The following ACOT12 variants were observed in gnomAD, a reference collection of about 807,000 sequenced individuals.
ACOT12 encodes the protein acyl-CoA thioesterase 12.
ACOT12 carries 51 observed loss-of-function variants against 67.7 expected under a neutral mutation model. That is an observed-to-expected ratio of 0.75 (90% CI 0.60 to 0.95). The LOEUF (loss-of-function observed/expected upper bound fraction) is 0.95, where lower values mean the gene tolerates loss of function less well. ACOT12 is among the 40% of genes least tolerant of loss of function. ACOT12 has a pLI of 0.00. For missense variants in ACOT12, 734 were observed against 708.1 expected, an observed-to-expected ratio of 1.04 and a Z score of -0.41; for synonymous variants, 251 against 244.6, an observed-to-expected ratio of 1.03 and a Z score of -0.24.
At chr5:81,353,261 G>C (rs1759607570) in intron 5 of ACOT12, among the ~76,000 whole-genome samples, 2 of 152,200 alleles carry the variant, frequency 1.3e-5, no homozygotes, top group Non-Finnish European at 2.9e-5. Context: ...TGGTGCAGAA[G>C]TTTGCTTATT....
At chr5:81,327,239 C>CAT (rs10618114), downstream of ACOT12, among the ~76,000 whole-genome samples, 2,169 of 149,732 alleles carry the variant, frequency 0.014, 43 homozygotes, top group African/African-American at 0.05. Context: ...TACATACACA[C>CAT]ATATATATAT....
At chr5:81,324,023 C>T in the ACOT12 span, among the ~76,000 whole-genome samples, 4 of 151,730 alleles carry the variant, frequency 2.6e-5, no homozygotes, top group Admixed American at 2.0e-4. Flanking sequence ...CTCACTGCAA[C>T]CTCTGTCTCC....
At chr5:81,310,477 GAAA>G in the ACOT12 span, among the ~76,000 whole-genome samples, 2 of 145,852 alleles carry the variant, frequency 1.4e-5, no homozygotes, top group African/African-American at 5.0e-5. Context: ...AGATTTGGGG[GAAA>G]AAAAAAAGAA....
At chr5:81,342,921 C>T (rs960715764) in intron 10 of ACOT12, among the ~76,000 whole-genome samples, 166 bp from the exon 11 acceptor site, 2 of 152,076 alleles carry the variant, frequency 1.3e-5, no homozygotes, top group Non-Finnish European at 2.9e-5. Flanking sequence ...GTGGCTCATG[C>T]CTGTAGTCCC....
intron 2 of ACOT12, among the ~76,000 whole-genome samples, chr5:81,381,214 G>A (rs751156803): frequency 2.6e-5 from 4 of 151,966 alleles, no homozygotes; most frequent in East Asian, 1.9e-4. Flanking sequence ...TTACAGGCGC[G>A]TGCCACCACA....
At chr5:81,390,526 TCTCAAA>T (rs200024460) in intron 1 of ACOT12, among the ~76,000 whole-genome samples, 3,351 of 151,262 alleles carry the variant, frequency 0.022, 99 homozygotes, top group Non-Finnish European at 0.036. Context: ...GGAGTCTCAT[TCTCAAA>T]TGAGACTCCA....
chr5:81,330,444 T>A lies in ACOT12; in HGVS notation c.1618A>T (p.Ile540Leu). The A allele has an allele frequency of 6.2e-7, 1 of 1,614,132 alleles. No individual in the cohort carries two copies. Among genetic ancestry groups the A allele is most frequent in the Non-Finnish European group, 8.5e-7 (1 of 1,179,986 alleles). The change falls in exon 15 of 15, where the codon ATA (isoleucine) becomes TTA (leucine). Residue 540 changes from isoleucine (I) to leucine (L), a missense_variant. Transcript: ENST00000307624. ...KSIEETAASC[I>L]QFLENPPDDG... ...TCAGGAGGATTCTCTAAGAACTGTA[T>A]ACAAGAGGCTGCTGTTTCTTCAATG... is the stretch of plus-strand genomic sequence containing the variant.
chr5:81,344,200 A>G lies in ACOT12; in HGVS notation c.940T>C (p.Tyr314His), dbSNP rs533220517. The change falls in exon 9 of 15, where the codon TAT becomes CAT. Residue 314 changes from tyrosine to histidine, a missense_variant. Transcript: ENST00000307624. ...QPISKDDFRR[Y>H]RGAIARKRIR... Reference sequence around the variant, plus strand: ...CGCTTGCGTGCAATAGCTCCCCGATAGCGTCTGAAATCATCCTTTAATCAA... The same window carrying G: ...CGCTTGCGTGCAATAGCTCCCCGATGGCGTCTGAAATCATCCTTTAATCAA... 6.2e-7 allele frequency: 1 copy of G among 1,613,446 alleles called. No individual in the cohort carries two copies. Among genetic ancestry groups the G allele is most frequent in the Non-Finnish European group, 8.5e-7 (1 of 1,179,684 alleles).
chr5:81,341,954 G>T lies in ACOT12; in HGVS notation c.1128+718C>A, dbSNP rs540785461. Reference sequence around the variant, plus strand: ...AATTTGAGGTAGCTGTGGAAGAAATGTCACAAGATAGTGTATAATTAATTG... The same window carrying T: ...AATTTGAGGTAGCTGTGGAAGAAATTTCACAAGATAGTGTATAATTAATTG... On this transcript the variant is annotated intron_variant, in intron 11 of 14. Coordinates refer to ENST00000307624, the MANE Select transcript of ACOT12 (RefSeq NM_130767.3). Among the ~76,000 whole-genome samples the T allele has an allele frequency of 9.1e-4, 139 of 152,288 alleles. 1 individual carries two copies. The highest frequency in any genetic ancestry group is 1.3e-3 in the Non-Finnish European group (90 of 68,024).
At chr5:81,338,775 C>A (rs1466726608) in intron 11 of ACOT12, among the ~76,000 whole-genome samples, 1 of 152,058 alleles carries the variant, frequency 6.6e-6, no homozygotes, top group Non-Finnish European at 1.5e-5. Flanking sequence ...TAATAAGATT[C>A]TTTTTGAATT....
At chr5:81,310,604 C>CA in the ACOT12 span, among the ~76,000 whole-genome samples, 1 of 152,094 alleles carries the variant, frequency 6.6e-6, no homozygotes, top group African/African-American at 2.4e-5. Context: ...TTAAGTGAAA[C>CA]ACTTATTTTA....
intron 6 of ACOT12, among the ~76,000 whole-genome samples, chr5:81,347,043 T>C (rs1580544814): frequency 6.6e-6 from 1 of 152,204 alleles, no homozygotes; most frequent in South Asian, 2.1e-4. Flanking sequence ...TTTTCAATTA[T>C]TTCTTTGGCC....
At chr5:81,371,418 A>AT (rs11343063) in intron 3 of ACOT12, among the ~76,000 whole-genome samples, 1,798 of 148,374 alleles carry the variant, frequency 0.012, 42 homozygotes, top group African/African-American at 0.035. Context: ...GTGCTGGCTA[A>AT]TTTTTTTTTT....
intron 2 of ACOT12, among the ~76,000 whole-genome samples, chr5:81,379,622 T>G (rs115550707): frequency 0.015 from 2,240 of 152,278 alleles, 41 homozygotes; most frequent in Non-Finnish European, 0.02. Flanking sequence ...GGTGACATAG[T>G]GACTGGCAGG....
the ACOT12 span, chr5:81,311,125 A>C: frequency 7.4e-7 from 1 of 1,344,974 alleles, no homozygotes; most frequent in South Asian, 1.2e-5. Flanking sequence ...GGTTGTGAGG[A>C]TCCAGTAAGA....
At chr5:81,344,834 A>G in intron 8 of ACOT12, 57 bp downstream of exon 8, 1 of 1,594,086 alleles carries the variant, frequency 6.3e-7, no homozygotes, top group Non-Finnish European at 8.6e-7. Context: ...AGGAGATTCT[A>G]GGTAGAGCTC....
chr5:81,308,814 AT>A, the ACOT12 span: 1 of 1,459,614 alleles, frequency 6.9e-7, no homozygotes, highest in Admixed American at 2.4e-5. Context: ...GCCACTTAGT[AT>A]TTGGAAATCA....
chr5:81,354,923 C>G (rs1343693290), intron 5 of ACOT12, among the ~76,000 whole-genome samples: 2 of 152,094 alleles, frequency 1.3e-5, no homozygotes, highest in African/African-American at 4.8e-5. Flanking sequence ...AACTCCTGAT[C>G]TCAAGTGATC....
At chr5:81,352,532 A>T (rs1330206350) in intron 5 of ACOT12, among the ~76,000 whole-genome samples, 1 of 152,194 alleles carries the variant, frequency 6.6e-6, no homozygotes, top group East Asian at 1.9e-4. Context: ...GCATGTTTTC[A>T]CTTATTTGTG....
Sources: gnomAD v4.1 joint callset for allele counts (sites outside exome capture counted in the v4.1 genomes callset) on GRCh38, gnomAD v4.1.1 for gene constraint, MANE v1.5 for transcripts, NCBI Gene and HGNC (gene_info 2026-07-23, HGNC 2026-07-21) for gene names.